The following ABCG1 variants were observed in gnomAD, a reference collection of about 807,000 sequenced individuals.
The protein encoded by ABCG1 is ATP-binding cassette sub-family G member 1.
Under a neutral mutation model 69.2 loss-of-function variants are expected in ABCG1, and 29 were observed. The ratio of observed to expected loss-of-function variants is 0.42; its 90% confidence interval spans 0.31 to 0.57. ABCG1 has a LOEUF of 0.57. ABCG1 is among the 20% of genes least tolerant of loss of function. ABCG1 has a pLI of 0.15. For missense variants in ABCG1, 718 were observed against 898.1 expected (o/e 0.80, Z 2.56); for synonymous variants, 370 against 374.8 (o/e 0.99, Z 0.15).
chr21:42,248,201 G>A (rs1337083342), intron 2 of ABCG1, among the ~76,000 whole-genome samples: 3 of 152,176 alleles, frequency 2.0e-5, no homozygotes, highest in Non-Finnish European at 2.9e-5. Context: ...CATGATCTCC[G>A]TCGTCATCTG....
upstream of ABCG1, among the ~76,000 whole-genome samples, chr21:42,214,231 C>A (rs932698707): frequency 6.6e-6 from 1 of 152,168 alleles, no homozygotes; most frequent in Non-Finnish European, 1.5e-5. Context: ...TAGGGTGGAG[C>A]TCTCATAAGA....
At chr21:42,258,890 C>T (rs1236444605) in intron 2 of ABCG1, among the ~76,000 whole-genome samples, 3 of 152,198 alleles carry the variant, frequency 2.0e-5, no homozygotes, top group Non-Finnish European at 1.5e-5. Flanking sequence ...GGAGCTGCTC[C>T]AGAACTTTCT....
intron 1 of ABCG1, among the ~76,000 whole-genome samples, chr21:42,224,042 C>T (rs1470995615): frequency 1.3e-5 from 2 of 152,166 alleles, no homozygotes; most frequent in African/African-American, 2.4e-5. Flanking sequence ...ACACAGCCAT[C>T]GGGGGTCACG....
In ABCG1 at chr21:42,287,830, T is replaced by C; in HGVS notation, c.974-59T>C. 1 of 1,488,946 alleles carries C rather than the reference T, an allele frequency of 6.7e-7. No individual in the cohort carries two copies. The highest frequency in any genetic ancestry group is 9.0e-7 in the Non-Finnish European group (1 of 1,111,446). The allele number at this position is 1,488,946 out of a possible 1,614,324, so 92.2% of individuals were successfully genotyped here. A position where few individuals can be genotyped will look rare whatever the true frequency, so the allele number is the denominator to read the frequency against. On this transcript the variant is annotated intron_variant, in intron 8 of 14. Transcript: ENST00000398449. This position sits in a 1 kb window ranked among gnomAD's most constrained non-coding sequence, Gnocchi z 6.2. Reference sequence around the variant, plus strand: ...CCACTTGAATAACGACTTTCGCATTTGGGTGGTTGGGGTGTCCTTCCTGGA... The same window carrying C: ...CCACTTGAATAACGACTTTCGCATTCGGGTGGTTGGGGTGTCCTTCCTGGA...
chr21:42,260,132 G>T (rs557949393), intron 2 of ABCG1: 4 of 1,550,534 alleles, frequency 2.6e-6, no homozygotes, highest in Non-Finnish European at 3.5e-6. Context: ...GCGATCCCAT[G>T]GAGGAAGGTG....
At chr21:42,257,703 A>C (rs565853057) in intron 2 of ABCG1, among the ~76,000 whole-genome samples, 1 of 152,332 alleles carries the variant, frequency 6.6e-6, no homozygotes, top group African/African-American at 2.4e-5. Context: ...TGTGTGGCAA[A>C]GAAGAATGTC....
At chr21:42,277,044 G>A in intron 5 of ABCG1, 99 bp downstream of exon 5, 1 of 1,344,768 alleles carries the variant, frequency 7.4e-7, no homozygotes, top group Admixed American at 1.7e-5. Context: ...GCTTTTGTTT[G>A]TTGATTTGTT....
At chr21:42,214,173 G>T (rs188043101), upstream of ABCG1, among the ~76,000 whole-genome samples, 3 of 152,340 alleles carry the variant, frequency 2.0e-5, no homozygotes, top group East Asian at 3.9e-4. Flanking sequence ...GTACTAAGAG[G>T]TGTGGCCTCT....
chr21:42,246,984 C>T (rs2068143310), intron 2 of ABCG1, among the ~76,000 whole-genome samples: 1 of 152,130 alleles, frequency 6.6e-6, no homozygotes, highest in Non-Finnish European at 1.5e-5. Context: ...GATTTTAAAA[C>T]TATTCTAAAG....
At chr21:42,293,726 A>C (rs1351041242) in intron 13 of ABCG1, among the ~76,000 whole-genome samples, 1 of 150,146 alleles carries the variant, frequency 6.7e-6, no homozygotes, top group Non-Finnish European at 1.5e-5. Context: ...TACACACTAC[A>C]CACAAATACT....
intron 10 of ABCG1, among the ~76,000 whole-genome samples, chr21:42,289,296 C>T (rs2069008335): frequency 6.6e-6 from 1 of 152,138 alleles, no homozygotes; most frequent in Non-Finnish European, 1.5e-5. Flanking sequence ...CCTATCTGGA[C>T]ATGCCTTTCT....
intron 2 of ABCG1, among the ~76,000 whole-genome samples, chr21:42,245,379 A>G (rs959666975): frequency 3.9e-5 from 6 of 152,214 alleles, no homozygotes; most frequent in South Asian, 4.1e-4. Context: ...TTCTTCTCCA[A>G]TTGGTTTTAG....
rs143298194 is a variant in ABCG1, at chr21:42,291,181, G to A, written c.1483G>A (p.Val495Met). 8 of 1,613,182 alleles carry A rather than the reference G, an allele frequency of 5.0e-6. No homozygotes were observed. The highest frequency in any genetic ancestry group is 1.1e-5 in the South Asian group (1 of 90,958). The change falls in exon 12 of 15, where the codon GTG becomes ATG. Residue 495 changes from valine (V) to methionine (M), a missense_variant. Around this residue, in one of 2 missense-constraint regions of ABCG1, gnomAD observed 204 missense variants for 323.8 expected, o/e 0.63. Transcript: ENST00000398449. The surrounding 1 kb of genome is among the most constrained non-coding windows in gnomAD (Gnocchi z 6.4). ...AYYLAKTMAD[V>M]PFQIMFPVAY... The stretch of plus-strand genomic sequence containing the variant: ...CTACCTGGCCAAGACCATGGCAGAC[G>A]TGCCCTTTCAGGTGTGTTAGCCAGG...
chr21:42,268,253 G>C (rs918445518), intron 2 of ABCG1, among the ~76,000 whole-genome samples: 1 of 152,196 alleles, frequency 6.6e-6, no homozygotes, highest in Non-Finnish European at 1.5e-5. Flanking sequence ...GGGTGGGAAA[G>C]TAGGGCAGGC....
intron 4 of ABCG1, among the ~76,000 whole-genome samples, chr21:42,275,629 T>G (rs1455816723): frequency 1.3e-5 from 2 of 152,214 alleles, no homozygotes; most frequent in Non-Finnish European, 2.9e-5. Flanking sequence ...GCTCAATGGC[T>G]GCATTCTCCA....
At chr21:42,251,107 G>A (rs1319572808) in intron 2 of ABCG1, among the ~76,000 whole-genome samples, 5 of 152,176 alleles carry the variant, frequency 3.3e-5, no homozygotes, top group South Asian at 4.1e-4. Context: ...GCCCACGGTC[G>A]GTCGGTGACC....
chr21:42,256,935 C>G (rs573311642), intron 2 of ABCG1, among the ~76,000 whole-genome samples: 1 of 152,240 alleles, frequency 6.6e-6, no homozygotes, highest in African/African-American at 2.4e-5. Flanking sequence ...ACATTGCTTG[C>G]ACTTTCCAGC....
In ABCG1 at chr21:42,276,736, T is replaced by C. The variant is rs2068718012; in HGVS notation, c.538-159T>C. 1 of 687,418 alleles carries C rather than the reference T, an allele frequency of 1.5e-6. No homozygotes were observed. The highest frequency in any genetic ancestry group is 2.5e-6 in the Non-Finnish European group (1 of 394,866). 42.6% of individuals were successfully genotyped at this position (687,418 alleles called of 1,614,324 possible). ...GCTAGCTGCACCGTGGCTAGCGGCA[T>C]TGTGGCTAGCTGCACTGTGGGTAGC... On this transcript the variant is annotated intron_variant, in intron 4 of 14. Transcript: ENST00000398449. The surrounding 1 kb of genome is among the most constrained non-coding windows in gnomAD (Gnocchi z 5.3).
rs1195368046 is a variant in ABCG1, at chr21:42,285,954, G to C, written c.933G>C (p.Leu311Phe). 2 of 1,614,032 alleles carry C rather than the reference G, an allele frequency of 1.2e-6. No individual in the cohort carries two copies. Among genetic ancestry groups the C allele is most frequent in the Non-Finnish European group, 8.5e-7 (1 of 1,180,002 alleles). ...ATCTTGTGCCATATTTGAGGGATTT[G>C]GGTCTGAACTGCCCAACCTACCACA... ...VCNLVPYLRDLGLNCPTYHNP... is the reference protein window; with the variant it reads ...VCNLVPYLRDFGLNCPTYHNP... The change falls in exon 8 of 15, where the codon TTG becomes TTC. Residue 311 changes from leucine (L) to phenylalanine (F), a missense_variant. Leu to Phe is a conservative substitution (Grantham distance 22). Transcript: ENST00000398449.
Sources: allele counts gnomAD v4.1 joint callset (sites outside exome capture counted in the v4.1 genomes callset), GRCh38; gene constraint gnomAD v4.1.1; regional missense constraint gnomAD v4.1.1; non-coding constraint Gnocchi (gnomAD v3.1); transcripts MANE v1.5; gene names NCBI Gene and HGNC (gene_info 2026-07-23, HGNC 2026-07-21).